The following CCDC102B variants were observed in gnomAD, a reference collection of about 807,000 sequenced individuals.
The protein encoded by CCDC102B is coiled-coil domain containing 102B.
CCDC102B carries 75 observed loss-of-function variants against 57.4 expected under a neutral mutation model. The observed-to-expected ratio is 1.31, with a 90% confidence interval of 1.08 to 1.58. CCDC102B has a LOEUF of 1.58. CCDC102B is among the 40% of genes most tolerant of loss of function. The probability of loss-of-function intolerance (pLI) is 0.00; values close to 1 mark genes in which losing one functional copy is unlikely to be tolerated. For synonymous variants in CCDC102B, 206 were observed against 201.9 expected, an observed-to-expected ratio of 1.02 and a Z score of -0.17; for missense variants, 636 against 582.6, an observed-to-expected ratio of 1.09 and a Z score of -0.94.
chr18:68,871,645 T>G (rs1467116351), intron 4 of CCDC102B, among the ~76,000 whole-genome samples: 2 of 152,090 alleles, frequency 1.3e-5, no homozygotes, highest in Non-Finnish European at 1.5e-5. Flanking sequence ...TTTTTATTTA[T>G]TTTTTTACTC....
At chr18:68,942,587 G>A (rs966552474) in intron 6 of CCDC102B, among the ~76,000 whole-genome samples, 1 of 151,262 alleles carries the variant, frequency 6.6e-6, no homozygotes, top group African/African-American at 2.4e-5. Flanking sequence ...GTGCTTTTGA[G>A]GTGCATATAC....
chr18:68,889,506 G>A lies in CCDC102B; in HGVS notation c.1054-7713G>A, dbSNP rs188548114. The stretch of plus-strand genomic sequence containing the variant: ...GCAGTCTCAGCTCACCGCAACCTCC[G>A]CCTCCTGGGTTCAAGCGATTCTCCT... On this transcript the variant is annotated intron_variant, in intron 5 of 7. Coordinates refer to ENST00000360242, the MANE Select transcript of CCDC102B (RefSeq NM_024781.3). Among the ~76,000 whole-genome samples the A allele has an allele frequency of 3.3e-5, 5 of 152,192 alleles. No homozygotes were observed. The South Asian group carries it at 8.3e-4, about 25-fold the overall frequency.
chr18:68,899,147 T>A (rs761815555), intron 6 of CCDC102B, among the ~76,000 whole-genome samples: 5 of 152,006 alleles, frequency 3.3e-5, no homozygotes, highest in Non-Finnish European at 7.4e-5. Context: ...TCCTCTTCAT[T>A]ACAAATTCAG....
intron 1 of CCDC102B, among the ~76,000 whole-genome samples, chr18:68,823,028 G>C (rs2144743517): frequency 6.6e-6 from 1 of 152,206 alleles, no homozygotes; most frequent in Non-Finnish European, 1.5e-5. Flanking sequence ...ACCTCTGATT[G>C]GTCTGGGGCC....
chr18:68,959,934 A>G (rs553532917), intron 6 of CCDC102B, among the ~76,000 whole-genome samples: 77 of 152,176 alleles, frequency 5.1e-4, no homozygotes, highest in Non-Finnish European at 9.3e-4. Flanking sequence ...GCTGTCCAGG[A>G]GCCAAGGCCT....
Position 69,054,895 on chromosome 18 carries a change from A to C in CCDC102B, c.*758A>C, listed in dbSNP as rs528744248. ...AAAATTAAGCTGTGGTTTCCCTCTG[A>C]GTAGTGGGAATAGAGAAAATTAGGA... On this transcript the variant is annotated 3_prime_UTR_variant, in exon 8 of 8. Transcript: ENST00000360242. The C allele has an allele frequency of 2.0e-6, 2 of 985,326 alleles. No individual in the cohort carries two copies. The highest frequency in any genetic ancestry group is 3.5e-5 in the African/African-American group (2 of 57,370). 61.0% of individuals were successfully genotyped at this position (985,326 alleles called of 1,614,324 possible).
chr18:68,849,098 G>A (rs906860699), intron 4 of CCDC102B, among the ~76,000 whole-genome samples: 1 of 151,734 alleles, frequency 6.6e-6, no homozygotes, highest in Non-Finnish European at 1.5e-5. Flanking sequence ...GCATTGTTGG[G>A]CCCCTTTATG....
At chr18:68,722,507 T>A (rs988943413) in intron 2 of CCDC102B, among the ~76,000 whole-genome samples, 3 of 152,226 alleles carry the variant, frequency 2.0e-5, no homozygotes, top group African/African-American at 7.2e-5. Flanking sequence ...GAGACAGCTT[T>A]GGATTTTTAT....
chr18:68,892,526 T>A lies in CCDC102B; in HGVS notation c.1054-4693T>A, dbSNP rs1317303604. On this transcript the variant is annotated intron_variant, in intron 5 of 7. Transcript: ENST00000360242. The stretch of plus-strand genomic sequence containing the variant: ...TCAAGTTTCTATAAGTCTAAGCCTC[T>A]TTATTGTGTTGACAGGTTTGCAGCT... Among the ~76,000 whole-genome samples the A allele has an allele frequency of 5.9e-5, 9 of 152,200 alleles. No individual in the cohort carries two copies. In the South Asian group the frequency reaches 1.9e-3, roughly 32 times the overall value.
upstream of CCDC102B, among the ~76,000 whole-genome samples, chr18:68,794,385 G>T (rs2035561129): frequency 6.6e-6 from 1 of 152,102 alleles, no homozygotes; most frequent in Non-Finnish European, 1.5e-5. Flanking sequence ...TGGCAAAACT[G>T]CACCACACAG....
chr18:68,767,558 G>A (rs1032175689), intron 2 of CCDC102B, among the ~76,000 whole-genome samples: 7 of 152,212 alleles, frequency 4.6e-5, no homozygotes, highest in Non-Finnish European at 1.0e-4. Flanking sequence ...GAAAACGCTT[G>A]TAGATCCACA....
chr18:68,755,834 A>C (rs2034028611), intron 2 of CCDC102B, among the ~76,000 whole-genome samples: 1 of 151,516 alleles, frequency 6.6e-6, no homozygotes, highest in Admixed American at 6.6e-5. Context: ...CAATAAAATA[A>C]TTTTATAAAT....
intron 7 of CCDC102B, among the ~76,000 whole-genome samples, chr18:69,014,434 C>G (rs953563434): frequency 5.9e-5 from 9 of 152,154 alleles, no homozygotes; most frequent in Non-Finnish European, 1.3e-4. Flanking sequence ...GGGAGCAGAA[C>G]CCAGGCCAAA....
intron 6 of CCDC102B, among the ~76,000 whole-genome samples, chr18:68,998,739 C>T (rs2051106356): frequency 6.6e-6 from 1 of 151,836 alleles, no homozygotes; most frequent in African/African-American, 2.4e-5. Flanking sequence ...GGCCAGAAGA[C>T]TCAGTCAGTC....
intron 3 of CCDC102B, among the ~76,000 whole-genome samples, chr18:68,844,694 T>C (rs2037781197): frequency 6.6e-6 from 1 of 151,948 alleles, no homozygotes; most frequent in African/African-American, 2.4e-5. Context: ...ACATATACTT[T>C]CTAAATCTAA....
chr18:68,978,052 C>T (rs891353396), intron 6 of CCDC102B, among the ~76,000 whole-genome samples: 2 of 152,010 alleles, frequency 1.3e-5, no homozygotes, highest in Non-Finnish European at 2.9e-5. Context: ...TCAAGCCTTA[C>T]AGTCAGACTG....
chr18:68,777,089 T>C (rs2144626078), intron 2 of CCDC102B, among the ~76,000 whole-genome samples: 1 of 152,286 alleles, frequency 6.6e-6, no homozygotes, highest in Admixed American at 6.5e-5. Flanking sequence ...CTCAAAACCA[T>C]TTAAAAATAA....
intron 7 of CCDC102B, among the ~76,000 whole-genome samples, chr18:69,029,544 T>TAAACCAACCA (rs1568135670): frequency 6.6e-6 from 1 of 152,320 alleles, no homozygotes; most frequent in East Asian, 1.9e-4. Context: ...AAATGACTGC[T>TAAACCAACCA]AAACCAACCA....
chr18:69,005,205 GA>G (rs1032941663), intron 6 of CCDC102B, among the ~76,000 whole-genome samples: 3 of 152,136 alleles, frequency 2.0e-5, no homozygotes, highest in Non-Finnish European at 4.4e-5. Context: ...CAACTTTCGA[GA>G]AGAGAAAATC....
Sources: gnomAD v4.1 joint callset for allele counts (sites outside exome capture counted in the v4.1 genomes callset) on GRCh38, gnomAD v4.1.1 for gene constraint, MANE v1.5 for transcripts, NCBI Gene and HGNC (gene_info 2026-07-23, HGNC 2026-07-21) for gene names.